Variants in PHKB observed in about 807,000 individuals in gnomAD.
PHKB encodes phosphorylase b kinase regulatory subunit beta.
A neutral mutation model predicts 152.1 loss-of-function variants in PHKB; 122 were observed. The ratio of observed to expected loss-of-function variants is 0.80; its 90% CI spans 0.69 to 0.93. The LOEUF (loss-of-function observed/expected upper bound fraction) is 0.93, where lower values mean the gene tolerates loss of function less well. Among genes scored for constraint, PHKB ranks in the 40% least tolerant of loss-of-function variants. The pLI is 0.00. For synonymous variants in PHKB, 436 were observed against 464.9 expected (o/e 0.94, Z 0.80); for missense variants, 1,304 against 1,328.4 (o/e 0.98, Z 0.29).
Position 47,666,569 on chromosome 16 carries a change from C to T in PHKB, c.2427+1594C>T, listed in dbSNP as rs147476244. On this transcript the variant is annotated intron_variant, in intron 25 of 30. Transcript: ENST00000323584. ...GGAGCCATCTCCAGTTAGCAGTGGT[C>T]TCTCTCTCTGGATTCTCACAATAGG... Among the ~76,000 whole-genome samples the T allele has an allele frequency of 2.0e-5, 3 of 152,360 alleles. No homozygotes were observed. In the East Asian group the frequency reaches 5.8e-4, roughly 29 times the overall value.
At chr16:47,519,193 A>G (rs1160839354) in intron 6 of PHKB, among the ~76,000 whole-genome samples, 4 of 152,088 alleles carry the variant, frequency 2.6e-5, no homozygotes, top group Non-Finnish European at 4.4e-5. Context: ...TTTTTTTGCA[A>G]AGATGTTTTC....
At chr16:47,465,086 A>G (rs1969644878) in intron 1 of PHKB, among the ~76,000 whole-genome samples, 1 of 152,248 alleles carries the variant, frequency 6.6e-6, no homozygotes, top group Non-Finnish European at 1.5e-5. Flanking sequence ...AGGAAGAATC[A>G]AACAGGAGAA....
rs115779899 is a variant in PHKB, at chr16:47,600,780, C to T, written c.1363+4249C>T. ...ATGTTTATACGTGAAGATGTCTATACATGAAGATACAGTATTGTAATCTTA... is the reference window on the plus strand; with the variant it reads ...ATGTTTATACGTGAAGATGTCTATATATGAAGATACAGTATTGTAATCTTA... On this transcript the variant is annotated intron_variant, in intron 13 of 30. Transcript: ENST00000323584. Among the ~76,000 whole-genome samples the T allele has an allele frequency of 7.5e-3, 1,140 of 152,310 alleles. 19 individuals are homozygous for T. Among genetic ancestry groups the T allele is most frequent in the African/African-American group, 0.026 (1,080 of 41,566 alleles).
chr16:47,527,214 T>C (rs1970783968), intron 6 of PHKB, among the ~76,000 whole-genome samples: 1 of 152,146 alleles, frequency 6.6e-6, no homozygotes, highest in Non-Finnish European at 1.5e-5. Context: ...CACATGCAGA[T>C]AGTAGAAAAG....
At chr16:47,606,776 G>A (rs760824185) in intron 13 of PHKB, among the ~76,000 whole-genome samples, 1 of 152,140 alleles carries the variant, frequency 6.6e-6, no homozygotes, top group Non-Finnish European at 1.5e-5. Flanking sequence ...AAATCCTGCT[G>A]TAGTGAGTGA....
intron 26 of PHKB, among the ~76,000 whole-genome samples, chr16:47,682,589 C>T (rs1005255581): frequency 6.6e-6 from 1 of 152,200 alleles, no homozygotes; most frequent in Non-Finnish European, 1.5e-5. Context: ...TCACATAGTT[C>T]TCGAGCCTTG....
At chr16:47,684,594 G>A (rs1014681987) in intron 26 of PHKB, among the ~76,000 whole-genome samples, 1 of 151,638 alleles carries the variant, frequency 6.6e-6, no homozygotes, top group Non-Finnish European at 1.5e-5. Flanking sequence ...GTGAAACCCC[G>A]TCTCTACTAA....
At position 47,602,881 on chromosome 16, in the gene PHKB, A is replaced by G. The variant is rs551440337; in HGVS notation, c.1363+6350A>G. Among the ~76,000 whole-genome samples the G allele has an allele frequency of 2.0e-5, 3 of 152,204 alleles. No individual in the cohort carries two copies. In the South Asian group the frequency reaches 6.2e-4, roughly 32 times the overall value. On this transcript the variant is annotated intron_variant, in intron 13 of 30. Transcript: ENST00000323584. ...AGAGGCCTACTCTTTGATAGTGACT[A>G]TGGATATCCAGTAGCTCACTAACAA...
At chr16:47,622,230 T>C (rs2151715540) in intron 14 of PHKB, among the ~76,000 whole-genome samples, 1 of 152,322 alleles carries the variant, frequency 6.6e-6, no homozygotes, top group East Asian at 1.9e-4. Context: ...AATAAATTTG[T>C]GAACTTAACC....
At chr16:47,482,607 C>G (rs1969981221) in intron 1 of PHKB, among the ~76,000 whole-genome samples, 1 of 152,158 alleles carries the variant, frequency 6.6e-6, no homozygotes, top group Non-Finnish European at 1.5e-5. Flanking sequence ...GTCTATTTTT[C>G]AAAATGCTGA....
chr16:47,487,429 ATTT>A (rs71679342), intron 1 of PHKB, among the ~76,000 whole-genome samples: 160 of 71,530 alleles, frequency 2.2e-3, no homozygotes, highest in Non-Finnish European at 4.6e-3. Flanking sequence ...ATATATATAT[ATTT>A]TTTTTTTCTT....
rs564247184 is a variant in PHKB, at chr16:47,629,716, T to C, written c.1459-11319T>C. Reference sequence around the variant, plus strand: ...TATAAATCATGCTGCTATAAAGTCATATGCACACGTATGTTTATTGCGGCA... The same window carrying C: ...TATAAATCATGCTGCTATAAAGTCACATGCACACGTATGTTTATTGCGGCA... On this transcript the variant is annotated intron_variant, in intron 14 of 30. Coordinates refer to ENST00000323584, the MANE Select transcript of PHKB (RefSeq NM_000293.3). Among the ~76,000 whole-genome samples, 20 of 152,166 alleles carry C rather than the reference T, an allele frequency of 1.3e-4. No homozygotes were observed. In the South Asian group the frequency reaches 3.7e-3, roughly 28 times the overall value.
chr16:47,470,075 C>G (rs1173268346), intron 1 of PHKB, among the ~76,000 whole-genome samples: 16 of 152,122 alleles, frequency 1.1e-4, no homozygotes, highest in Admixed American at 1.0e-3. Context: ...CTTGCCTAGA[C>G]CAGTTTGGTT....
At chr16:47,470,921 A>G (rs1969755817) in intron 1 of PHKB, among the ~76,000 whole-genome samples, 3 of 152,310 alleles carry the variant, frequency 2.0e-5, no homozygotes, top group African/African-American at 7.2e-5. Context: ...TTTTGTATAC[A>G]TTCACTCTGT....
intron 6 of PHKB, among the ~76,000 whole-genome samples, chr16:47,546,744 G>C (rs965649442): frequency 6.6e-6 from 1 of 152,052 alleles, no homozygotes; most frequent in East Asian, 1.9e-4. Flanking sequence ...GGTCCTCCTT[G>C]AGCTGTGGTG....
chr16:47,491,163 A>G (rs535569676), intron 1 of PHKB, among the ~76,000 whole-genome samples: 46 of 152,320 alleles, frequency 3.0e-4, no homozygotes, highest in African/African-American at 1.1e-3. Flanking sequence ...TACAGCCAGC[A>G]TAATTGACTC....
chr16:47,464,496 T>G (rs1969633041), intron 1 of PHKB, among the ~76,000 whole-genome samples: 1 of 152,208 alleles, frequency 6.6e-6, no homozygotes, highest in Non-Finnish European at 1.5e-5. Flanking sequence ...CATCCTGGTG[T>G]AAGGGCTGGA....
intron 13 of PHKB, among the ~76,000 whole-genome samples, chr16:47,603,534 C>T (rs150532600): frequency 0.013 from 1,923 of 145,562 alleles, 20 homozygotes; most frequent in Non-Finnish European, 0.022. Flanking sequence ...GATGGAGTCT[C>T]GCTGTGTCGC....
intron 6 of PHKB, among the ~76,000 whole-genome samples, chr16:47,524,436 C>G (rs972676912): frequency 1.3e-5 from 2 of 152,150 alleles, no homozygotes; most frequent in Non-Finnish European, 2.9e-5. Context: ...ATATACAACA[C>G]TTTTAATGGC....
Sources: allele counts gnomAD v4.1 joint callset (sites outside exome capture counted in the v4.1 genomes callset), GRCh38; gene constraint gnomAD v4.1.1; transcripts MANE v1.5; gene names NCBI Gene and HGNC (gene_info 2026-07-23, HGNC 2026-07-21).